Variants in SENP6 observed in about 807,000 individuals in gnomAD.
The protein encoded by SENP6 is SUMO specific peptidase 6.
Under a neutral mutation model 134.5 loss-of-function variants are expected in SENP6, and 41 were observed. The observed-to-expected ratio is 0.30, with a 90% confidence interval of 0.24 to 0.40. SENP6 has a LOEUF of 0.40. Among genes scored for constraint, SENP6 ranks in the 10% least tolerant of loss-of-function variants. The pLI, the probability that SENP6 is intolerant of heterozygous loss-of-function variation, is 1.00. For synonymous variants in SENP6, 395 were observed against 429.8 expected, an observed-to-expected ratio of 0.92 and a Z score of 1.00; for missense variants, 1,248 against 1,312.5, an observed-to-expected ratio of 0.95 and a Z score of 0.76.
At position 75,718,221 on chromosome 6, in the gene SENP6, T is replaced by C. The variant is rs1314353328; in HGVS notation, c.*2627T>C. On this transcript the variant is annotated 3_prime_UTR_variant, in exon 24 of 24. Coordinates refer to ENST00000447266, the MANE Select transcript of SENP6 (RefSeq NM_015571.4). The stretch of plus-strand genomic sequence containing the variant: ...TTAATTCCCCCAAAATCAAAAATTG[T>C]ACTTAAAATCTCAGACAATTCACTG... The C allele has an allele frequency of 1.3e-5, 2 of 152,196 alleles. No individual in the cohort carries two copies. Among genetic ancestry groups the C allele is most frequent in the Non-Finnish European group, 2.9e-5 (2 of 68,024 alleles). The allele number at this position is 152,196 out of a possible 1,614,324, so 9.4% of individuals were successfully genotyped here.
At chr6:75,665,277 CTCCGTCTCAAAAAAAA>C (rs1772113843) in intron 9 of SENP6, among the ~76,000 whole-genome samples, 1 of 146,980 alleles carries the variant, frequency 6.8e-6, no homozygotes, top group Middle Eastern at 3.2e-3. Flanking sequence ...CAGAGTGAGA[CTCCGTCTCAAAAAAAA>C]AAAAAAAAGT....
intron 3 of SENP6, among the ~76,000 whole-genome samples, chr6:75,632,718 A>C (rs1326577906): frequency 6.6e-6 from 1 of 152,110 alleles, no homozygotes. Context: ...AGGGCGGTGG[A>C]TTTAAAGTTT....
At chr6:75,666,064 CGT>C (rs1431190416) in intron 9 of SENP6, among the ~76,000 whole-genome samples, 1 of 131,852 alleles carries the variant, frequency 7.6e-6, no homozygotes, top group Non-Finnish European at 1.6e-5. Context: ...ATATATAAAA[CGT>C]ATATATGATA....
Position 75,602,411 on chromosome 6 carries a change from C to T in SENP6, c.-114C>T. 1 of 1,268,710 alleles carries T rather than the reference C, an allele frequency of 7.9e-7. No individual in the cohort carries two copies. The highest frequency in any genetic ancestry group is 1.1e-6 in the Non-Finnish European group (1 of 907,136). The allele number at this position is 1,268,710 out of a possible 1,614,324, so 78.6% of individuals were successfully genotyped here. A position where few individuals can be genotyped will look rare whatever the true frequency, so the allele number is the denominator to read the frequency against. On this transcript the variant is annotated 5_prime_UTR_variant, in exon 1 of 24. Transcript: ENST00000447266. ...AGCGCAGCCCGCCTGACGGCTGAGC[C>T]CGAGGCCCGCAACCCTGCGGCGTCT...
At position 75,650,338 on chromosome 6, in the gene SENP6, G is replaced by A. The variant is rs1421139757; in HGVS notation, c.550+2537G>A. On this transcript the variant is annotated intron_variant, in intron 7 of 23. Coordinates refer to ENST00000447266, the MANE Select transcript of SENP6 (RefSeq NM_015571.4). ...ACTGTAAAATTACCGTTTTTCCCTT[G>A]GTGCTTAATAAAGATTTTAGAAGAG... Among the ~76,000 whole-genome samples the A allele has an allele frequency of 2.0e-5, 3 of 152,006 alleles. No homozygotes were observed. The East Asian group carries it at 5.8e-4, about 29-fold the overall frequency.
intron 5 of SENP6, among the ~76,000 whole-genome samples, chr6:75,639,500 A>G (rs566331648): frequency 6.6e-6 from 1 of 152,142 alleles, no homozygotes; most frequent in Non-Finnish European, 1.5e-5. Context: ...TGATAGGAGT[A>G]TAAGAATTGA....
intron 16 of SENP6, among the ~76,000 whole-genome samples, chr6:75,682,989 C>T (rs1316233992): frequency 6.6e-6 from 1 of 152,168 alleles, no homozygotes; most frequent in Non-Finnish European, 1.5e-5. Flanking sequence ...ACACTGTCTT[C>T]CACAATGGTT....
rs541780102 is a variant in SENP6 at position 75,613,184 on chromosome 6, A to G, written c.53-8348A>G. On this transcript the variant is annotated intron_variant, in intron 1 of 23. Transcript: ENST00000447266. ...CCAGCTGCCTGTTTTTAAGAGGCTC[A>G]TGAGCTCAGAATGGCTTTTATATTT... Among the ~76,000 whole-genome samples, 194 of 152,244 alleles carry G rather than the reference A, an allele frequency of 1.3e-3. 2 individuals are homozygous for G. Among genetic ancestry groups the G allele is most frequent in the Middle Eastern group, 3.4e-3 (1 of 294 alleles).
rs756462502 is a variant in SENP6 at position 75,713,713 on chromosome 6, A to G, written c.3017A>G (p.Lys1006Arg). The change falls in exon 23 of 24, where the codon AAA becomes AGA. Residue 1006 changes from lysine (K) to arginine (R), a missense_variant. Physicochemically the swap from Lys to Arg is conservative, Grantham distance 26. Coordinates refer to ENST00000447266, the MANE Select transcript of SENP6 (RefSeq NM_015571.4). ...EVEWEVKKGSKRSFSKDVMKG... is the reference protein window; with the variant it reads ...EVEWEVKKGSRRSFSKDVMKG... Reference sequence around the variant, plus strand: ...GAATGGGAAGTTAAAAAAGGAAGCAAAAGAAGTTTTTCCAAAGATGTTATG... The same window carrying G: ...GAATGGGAAGTTAAAAAAGGAAGCAGAAGAAGTTTTTCCAAAGATGTTATG... The G allele has an allele frequency of 6.2e-7, 1 of 1,613,028 alleles. No homozygotes were observed. The highest frequency in any genetic ancestry group is 1.3e-5 in the African/African-American group (1 of 74,890).
intron 1 of SENP6, among the ~76,000 whole-genome samples, chr6:75,602,997 A>G (rs565551250): frequency 3.2e-4 from 49 of 152,338 alleles, no homozygotes; most frequent in African/African-American, 1.1e-3. Context: ...GGGGACAGAC[A>G]GTTTCATTGA....
intron 23 of SENP6, among the ~76,000 whole-genome samples, chr6:75,714,998 T>C (rs1309482817): frequency 6.6e-6 from 1 of 152,222 alleles, no homozygotes; most frequent in East Asian, 1.9e-4. Context: ...GCTGGCAAAC[T>C]TGTTAATAAA....
Position 75,620,278 on chromosome 6 carries a change from A to G in SENP6, c.53-1254A>G, listed in dbSNP as rs539138325. 3.9e-5 allele frequency among the ~76,000 whole-genome samples: 6 copies of G among 152,184 alleles called. No individual in the cohort carries two copies. The South Asian group carries it at 1.2e-3, about 32-fold the overall frequency. ...TGGCTACAAACCCTAGTTAATTGTC[A>G]TCTCTTATGATTAGGGATTTCCTGT... On this transcript the variant is annotated intron_variant, in intron 1 of 23. Coordinates refer to ENST00000447266, the MANE Select transcript of SENP6 (RefSeq NM_015571.4).
At chr6:75,692,494 G>C (rs1441338411) in intron 16 of SENP6, among the ~76,000 whole-genome samples, 1 of 152,026 alleles carries the variant, frequency 6.6e-6, no homozygotes, top group Non-Finnish European at 1.5e-5. Flanking sequence ...GGGCATGGTA[G>C]TGCAGGCCTG....
At chr6:75,651,589 C>G (rs1236357255) in intron 7 of SENP6, among the ~76,000 whole-genome samples, 1 of 152,088 alleles carries the variant, frequency 6.6e-6, no homozygotes, top group African/African-American at 2.4e-5. Context: ...TGGGCTCCAG[C>G]GATCTGCTCG....
intron 8 of SENP6, among the ~76,000 whole-genome samples, chr6:75,661,014 C>T (rs1344750331): frequency 1.3e-5 from 2 of 152,044 alleles, no homozygotes; most frequent in East Asian, 3.9e-4. Flanking sequence ...ATATCTTCTC[C>T]TTTAAGTGGA....
At chr6:75,641,404 T>C (rs183102850) in intron 6 of SENP6, among the ~76,000 whole-genome samples, 308 of 152,250 alleles carry the variant, frequency 2.0e-3, no homozygotes, top group Non-Finnish European at 1.4e-3. Flanking sequence ...TTTAATAGAC[T>C]GGGGGAGGGA....
chr6:75,622,881 G>A, intron 2 of SENP6: 2 of 1,066,152 alleles, frequency 1.9e-6, no homozygotes, highest in Non-Finnish European at 2.5e-6. Flanking sequence ...TTTAAAGTCA[G>A]TATTTTATGG....
chr6:75,664,398 G>A (rs932446837), intron 9 of SENP6, among the ~76,000 whole-genome samples: 1 of 151,948 alleles, frequency 6.6e-6, no homozygotes, highest in African/African-American at 2.4e-5. Flanking sequence ...ACATACGTCT[G>A]TATGTATATA....
rs1776091431 is a variant in SENP6, at chr6:75,718,191, A to C, written c.*2597A>C. On this transcript the variant is annotated 3_prime_UTR_variant, in exon 24 of 24. Coordinates refer to ENST00000447266, the MANE Select transcript of SENP6 (RefSeq NM_015571.4). ...AACTGTGAGACAATGTAAAAAGAAT[A>C]AGTTTTAATTCCCCCAAAATCAAAA... 1 of 152,236 alleles carries C rather than the reference A, an allele frequency of 6.6e-6. No homozygotes were observed. The highest frequency in any genetic ancestry group is 1.5e-5 in the Non-Finnish European group (1 of 68,032). 9.4% of individuals were successfully genotyped at this position (152,236 alleles called of 1,614,324 possible).
Sources: gnomAD v4.1 joint callset for allele counts (sites outside exome capture counted in the v4.1 genomes callset) on GRCh38, gnomAD v4.1.1 for gene constraint, MANE v1.5 for transcripts, NCBI Gene and HGNC (gene_info 2026-07-23, HGNC 2026-07-21) for gene names.